The following PEAK1 variants were observed in gnomAD, a reference collection of about 807,000 sequenced individuals.
The protein encoded by PEAK1 is pseudopodium enriched atypical kinase 1.
Under a neutral mutation model 124.7 loss-of-function variants are expected in PEAK1, and 54 were observed. That is an observed-to-expected ratio of 0.43 (90% CI 0.35 to 0.54). The LOEUF (loss-of-function observed/expected upper bound fraction) is 0.54. Among genes scored for constraint, PEAK1 ranks in the 20% least tolerant of loss-of-function variants. The pLI is 0.01. For missense variants in PEAK1, 2,046 were observed against 2,134.5 expected, an observed-to-expected ratio of 0.96 and a Z score of 0.82; for synonymous variants, 719 against 760.0, an observed-to-expected ratio of 0.95 and a Z score of 0.89.
chr15:77,244,853 T>C (rs985749326), intron 6 of PEAK1, among the ~76,000 whole-genome samples: 1 of 152,080 alleles, frequency 6.6e-6, no homozygotes, highest in Non-Finnish European at 1.5e-5. Flanking sequence ...GCCTCAGGTG[T>C]GAGCCACCAT....
intron 7 of PEAK1, among the ~76,000 whole-genome samples, chr15:77,162,449 G>C (rs1008239147): frequency 7.5e-6 from 1 of 133,972 alleles, no homozygotes; most frequent in African/African-American, 2.8e-5. Flanking sequence ...AGCCAAGATT[G>C]TGCCACTAAC....
chr15:77,232,446 T>C lies in PEAK1; in HGVS notation c.-115+19921A>G, dbSNP rs535920995. ...TTCTTTCTATATATTTACCTTTCCATTTTGAGATAAGAGTTTCACCAATCT... is the reference window on the plus strand; with the variant it reads ...TTCTTTCTATATATTTACCTTTCCACTTTGAGATAAGAGTTTCACCAATCT... On this transcript the variant is annotated intron_variant, in intron 6 of 9. Transcript: ENST00000682557. 2.6e-5 allele frequency among the ~76,000 whole-genome samples: 4 copies of C among 152,308 alleles called. No individual in the cohort carries two copies. The South Asian group carries it at 8.3e-4, about 32-fold the overall frequency.
intron 6 of PEAK1, among the ~76,000 whole-genome samples, chr15:77,189,978 G>A (rs1456554861): frequency 6.6e-6 from 1 of 151,886 alleles, no homozygotes; most frequent in Non-Finnish European, 1.5e-5. Context: ...TGGGAAGGAA[G>A]GAGAAATAAG....
intron 5 of PEAK1, among the ~76,000 whole-genome samples, chr15:77,274,677 G>T (rs1193064688): frequency 2.0e-5 from 3 of 151,930 alleles, no homozygotes. Context: ...ATGTTGGTGT[G>T]GATGTCATGA....
chr15:77,277,523 C>G (rs2062398634), intron 5 of PEAK1, among the ~76,000 whole-genome samples: 1 of 151,990 alleles, frequency 6.6e-6, no homozygotes, highest in South Asian at 2.1e-4. Flanking sequence ...AGGGGAAACT[C>G]GGTGAATGGT....
chr15:77,299,156 GA>G (rs1490250658), intron 2 of PEAK1, among the ~76,000 whole-genome samples: 1 of 152,142 alleles, frequency 6.6e-6, no homozygotes, highest in African/African-American at 2.4e-5. Context: ...TTCTAGAATT[GA>G]TTTTTTATCA....
chr15:77,105,363 C>CGT (rs1555407967), downstream of PEAK1: 14 of 151,402 alleles, frequency 9.2e-5, no homozygotes, highest in African/African-American at 2.7e-4. Context: ...TGTGTGCGCG[C>CGT]GTGCGCGCAC....
At chr15:77,315,915 C>T (rs762157335) in intron 2 of PEAK1, among the ~76,000 whole-genome samples, 3 of 151,938 alleles carry the variant, frequency 2.0e-5, no homozygotes, top group Non-Finnish European at 2.9e-5. Flanking sequence ...CAGGTAAAAA[C>T]TAAGGAAATC....
intron 6 of PEAK1, among the ~76,000 whole-genome samples, chr15:77,223,529 G>A (rs2059484428): frequency 6.6e-6 from 1 of 152,058 alleles, no homozygotes; most frequent in Non-Finnish European, 1.5e-5. Context: ...TTGTGTGTGT[G>A]TCGACAGTAG....
intron 8 of PEAK1, among the ~76,000 whole-genome samples, chr15:77,145,394 A>C (rs1177615190): frequency 6.6e-6 from 1 of 152,056 alleles, no homozygotes; most frequent in African/African-American, 2.4e-5. Flanking sequence ...GGTTGCAGTG[A>C]GCCACCATCA....
intron 1 of PEAK1, among the ~76,000 whole-genome samples, chr15:77,373,977 A>G (rs1299405083): frequency 6.6e-6 from 1 of 152,244 alleles, no homozygotes; most frequent in African/African-American, 2.4e-5. Flanking sequence ...TGCCTTCAGC[A>G]TTTGATAAAA....
intron 2 of PEAK1, chr15:77,350,781 C>T (rs946421994): frequency 1.0e-6 from 1 of 980,154 alleles, no homozygotes; most frequent in Non-Finnish European, 1.2e-6. Flanking sequence ...TTCTGTATAA[C>T]CTATTTTGTT....
chr15:77,287,239 A>G (rs965123691), intron 2 of PEAK1, among the ~76,000 whole-genome samples: 14 of 152,260 alleles, frequency 9.2e-5, no homozygotes, highest in Non-Finnish European at 1.8e-4. Flanking sequence ...CCTTCGGGTC[A>G]GAGTAATTCT....
intron 9 of PEAK1, among the ~76,000 whole-genome samples, chr15:77,124,728 T>G (rs1464461032): frequency 6.6e-6 from 1 of 152,240 alleles, no homozygotes; most frequent in Non-Finnish European, 1.5e-5. Flanking sequence ...TTAAAAATAC[T>G]TAGTGGCTTC....
downstream of PEAK1, chr15:77,106,723 T>C (rs1480455308): frequency 1.3e-5 from 2 of 152,242 alleles, no homozygotes; most frequent in Non-Finnish European, 2.9e-5. Flanking sequence ...GGAGCCTCAG[T>C]AAGTTTACTT....
chr15:77,381,384 C>T, intron 1 of PEAK1: 18 of 798,582 alleles, frequency 2.3e-5, no homozygotes, highest in Non-Finnish European at 2.6e-5. Flanking sequence ...CTGTGAATAG[C>T]CACTGCACTT....
At chr15:77,129,989 G>C (rs897132781) in intron 9 of PEAK1, among the ~76,000 whole-genome samples, 1 of 152,124 alleles carries the variant, frequency 6.6e-6, no homozygotes, top group East Asian at 1.9e-4. Context: ...GGTCTTAAAA[G>C]AGACATTTAT....
intron 2 of PEAK1, chr15:77,335,917 C>G (rs1336266627): frequency 7.7e-5 from 76 of 985,214 alleles, no homozygotes; most frequent in Non-Finnish European, 8.8e-5. Flanking sequence ...GAAACAAATG[C>G]CACAATAAGA....
At chr15:77,188,027 G>A (rs1314369646) in intron 6 of PEAK1, among the ~76,000 whole-genome samples, 1 of 152,128 alleles carries the variant, frequency 6.6e-6, no homozygotes, top group African/African-American at 2.4e-5. Context: ...AAAGGGTGGG[G>A]AGAGGAAGTG....
Sources: gnomAD v4.1 joint callset for allele counts (sites outside exome capture counted in the v4.1 genomes callset) on GRCh38, gnomAD v4.1.1 for gene constraint, MANE v1.5 for transcripts, NCBI Gene and HGNC (gene_info 2026-07-23, HGNC 2026-07-21) for gene names.